The following INMT variants were observed in gnomAD, a reference collection of about 807,000 sequenced individuals.
INMT encodes the protein indolethylamine N-methyltransferase, also known as amine N-methyltransferase.
In INMT, 11 loss-of-function variants were observed where a neutral mutation model predicts 11.5. The observed-to-expected ratio is 0.95, with a 90% CI of 0.60 to 1.58. The LOEUF (loss-of-function observed/expected upper bound fraction) is 1.58, where lower values mean the gene tolerates loss of function less well. INMT is among the 40% of genes most tolerant of loss of function. The pLI, the probability that INMT is intolerant of heterozygous loss-of-function variation, is 0.00. For synonymous variants in INMT, 155 were observed against 142.9 expected (o/e 1.08, Z -0.60); for missense variants, 316 against 336.1 (o/e 0.94, Z 0.47).
chr7:30,753,980 T>A, intron 2 of INMT, 42 bp downstream of exon 2: 1 of 1,593,538 alleles, frequency 6.3e-7, no homozygotes, highest in African/African-American at 1.3e-5. Flanking sequence ...CAGTCAACCT[T>A]CTTTCTCAGA....
chr7:30,753,370 A>G (rs1786137644), intron 1 of INMT, among the ~76,000 whole-genome samples: 1 of 152,228 alleles, frequency 6.6e-6, no homozygotes, highest in South Asian at 2.1e-4. Flanking sequence ...TCCAGCCCGA[A>G]TCTTCCCCAG....
In INMT at chr7:30,752,157, G is replaced by A. The variant is rs780546755; in HGVS notation, c.7G>A (p.Gly3Ser). 86 of 1,613,844 alleles carry A rather than the reference G, an allele frequency of 5.3e-5. No individual in the cohort carries two copies. Among genetic ancestry groups the A allele is most frequent in the Admixed American group, 3.0e-4 (18 of 59,978 alleles). The stretch of plus-strand genomic sequence containing the variant: ...GGCACATTTCAGGGACACCATGAAG[G>A]GTGGCTTCACTGGGGGTGATGAGTA... MK[G>S]GFTGGDEYQK... The change falls in exon 1 of 3, where the codon GGT becomes AGT. Residue 3 changes from glycine (G) to serine (S), a missense_variant. By Grantham distance (56) the Gly-to-Ser change is moderately conservative. Coordinates refer to ENST00000013222, the MANE Select transcript of INMT (RefSeq NM_006774.5).
In INMT at chr7:30,756,301, T is replaced by A; in HGVS notation, c.*450T>A. 2 of 846,674 alleles carry A rather than the reference T, an allele frequency of 2.4e-6. No individual in the cohort carries two copies. Among genetic ancestry groups the A allele is most frequent in the Non-Finnish European group, 2.8e-6 (2 of 703,196 alleles). The allele number at this position is 846,674 out of a possible 1,614,324, so 52.4% of individuals were successfully genotyped here. ...CCCAGGCTAGAGTGCAATGGCACGA[T>A]CTCGGCTCACTGCAAGCTCTGCGTC... On this transcript the variant is annotated 3_prime_UTR_variant, in exon 3 of 3. Transcript: ENST00000013222.
intron 1 of INMT, among the ~76,000 whole-genome samples, chr7:30,753,161 C>T (rs938633642): frequency 6.6e-6 from 1 of 152,210 alleles, no homozygotes; most frequent in South Asian, 2.1e-4. Flanking sequence ...TTCCAGGTGA[C>T]CCTGGATTCA....
intron 1 of INMT, 48 bp downstream of exon 1, chr7:30,752,352 G>A (rs1474936482): frequency 1.3e-6 from 2 of 1,491,770 alleles, no homozygotes; most frequent in African/African-American, 2.8e-5. Context: ...CAAGGAACCT[G>A]GATGGGGATG....
rs1786162915 is a variant in INMT at position 30,754,051 on chromosome 7, G to C, written c.362+113G>C. 1 of 1,036,562 alleles carries C rather than the reference G, an allele frequency of 9.6e-7. No individual in the cohort carries two copies. The highest frequency in any genetic ancestry group is 1.4e-6 in the Non-Finnish European group (1 of 703,530). The allele number at this position is 1,036,562 out of a possible 1,614,324, so 64.2% of individuals were successfully genotyped here. A position where few individuals can be genotyped will look rare whatever the true frequency, so the allele number is the denominator to read the frequency against. On this transcript the variant is annotated intron_variant, in intron 2 of 2. Coordinates refer to ENST00000013222, the MANE Select transcript of INMT (RefSeq NM_006774.5). The surrounding 1 kb of genome is among the most constrained non-coding windows in gnomAD (Gnocchi z 4.9). ...CAGGACAGTAGGACCTTCAGGTATAGGACCAGATGTCCTGTGGTGGGGATA... is the reference window on the plus strand; with the variant it reads ...CAGGACAGTAGGACCTTCAGGTATACGACCAGATGTCCTGTGGTGGGGATA...
intron 1 of INMT, 76 bp downstream of exon 1, chr7:30,752,380 G>C (rs912767045): frequency 3.1e-6 from 4 of 1,302,020 alleles, no homozygotes; most frequent in East Asian, 2.3e-5. Flanking sequence ...GGTGTCCTGG[G>C]GGCAGTCTGG....
chr7:30,752,841 G>T (rs1301908895), intron 1 of INMT, among the ~76,000 whole-genome samples: 1 of 152,136 alleles, frequency 6.6e-6, no homozygotes, highest in Non-Finnish European at 1.5e-5. Flanking sequence ...CACGATGGAT[G>T]GTGACTTCTG....
rs1394353214 is a variant in INMT, at chr7:30,756,891, A to G, written c.*1040A>G. The stretch of plus-strand genomic sequence containing the variant: ...TGAGCTGATTGGAGTCAGCTGGAAC[A>G]TACCACTGCCTCTAGACTAAGGTCA... On this transcript the variant is annotated 3_prime_UTR_variant, in exon 3 of 3. Transcript: ENST00000013222. 6.6e-6 allele frequency: 1 copy of G among 152,242 alleles called. No individual in the cohort carries two copies. Among genetic ancestry groups the G allele is most frequent in the East Asian group, 1.9e-4 (1 of 5,196 alleles). The allele number at this position is 152,242 out of a possible 1,614,324, so 9.4% of individuals were successfully genotyped here.
Position 30,756,038 on chromosome 7 carries a change from G to A in INMT, c.*187G>A. The stretch of plus-strand genomic sequence containing the variant: ...AAGTTTCCAACATTCCTCATTCTAG[G>A]ATCCTAGGAGTGGAATTTTCCATTT... On this transcript the variant is annotated 3_prime_UTR_variant, in exon 3 of 3. Transcript: ENST00000013222. 1 of 1,407,758 alleles carries A rather than the reference G, an allele frequency of 7.1e-7. No homozygotes were observed. Among genetic ancestry groups the A allele is most frequent in the Admixed American group, 2.9e-5 (1 of 34,226 alleles). 87.2% of individuals were successfully genotyped at this position (1,407,758 alleles called of 1,614,324 possible). A position where few individuals can be genotyped will look rare whatever the true frequency, so the allele number is the denominator to read the frequency against.
At position 30,756,984 on chromosome 7, in the gene INMT, T is replaced by G. The variant is rs1786280480; in HGVS notation, c.*1133T>G. ...AGATAAATGAAATAAATCTATAAGG[T>G]TAAGTATGTCCCCAGAACTGCATGG... On this transcript the variant is annotated 3_prime_UTR_variant, in exon 3 of 3. Coordinates refer to ENST00000013222, the MANE Select transcript of INMT (RefSeq NM_006774.5). The G allele has an allele frequency of 1.3e-5, 2 of 152,360 alleles. No individual in the cohort carries two copies. The highest frequency in any genetic ancestry group is 4.8e-5 in the African/African-American group (2 of 41,566). 9.4% of individuals were successfully genotyped at this position (152,360 alleles called of 1,614,324 possible).
In INMT at chr7:30,754,814, TAA is replaced by T. The variant is rs1358000328; in HGVS notation, c.363-606_363-605del. On this transcript the variant is annotated intron_variant, in intron 2 of 2. Transcript: ENST00000013222. This position sits in a 1 kb window ranked among gnomAD's most constrained non-coding sequence, Gnocchi z 4.9. ...ACCCAACCTGAGTACTCGAATATAA[TAA>T]AGACTTACCTGTGCTTCTCTGTGAC... 6.6e-6 allele frequency among the ~76,000 whole-genome samples: 1 copy of T among 152,258 alleles called. No homozygotes were observed. Among genetic ancestry groups the T allele is most frequent in the Non-Finnish European group, 1.5e-5 (1 of 68,050 alleles).
At chr7:30,753,373 T>C (rs902184439) in intron 1 of INMT, among the ~76,000 whole-genome samples, 3 of 152,242 alleles carry the variant, frequency 2.0e-5, no homozygotes, top group African/African-American at 7.2e-5. Context: ...AGCCCGAATC[T>C]TCCCCAGAGC....
In INMT at chr7:30,755,296, C is replaced by T. The variant is rs376498046; in HGVS notation, c.363-126C>T. On this transcript the variant is annotated intron_variant, in intron 2 of 2. Coordinates refer to ENST00000013222, the MANE Select transcript of INMT (RefSeq NM_006774.5). ...TGAAGAAGAGCCTGCTGTCAGGTCA[C>T]ACAGGGACTCAGGGACAGCAATCCT... 7.5e-5 allele frequency: 62 copies of T among 824,654 alleles called. 1 individual carries two copies. In the South Asian group the frequency reaches 1.1e-3, roughly 14 times the overall value. The allele number at this position is 824,654 out of a possible 1,614,324, so 51.1% of individuals were successfully genotyped here.
chr7:30,752,440 G>A, intron 1 of INMT, 136 bp downstream of exon 1: 3 of 648,728 alleles, frequency 4.6e-6, no homozygotes, highest in South Asian at 3.8e-5. Flanking sequence ...CTGGGGCCCT[G>A]CCCCCTCTCT....
intron 1 of INMT, among the ~76,000 whole-genome samples, chr7:30,753,276 G>T (rs1786134256): frequency 6.6e-6 from 1 of 152,138 alleles, no homozygotes; most frequent in Admixed American, 6.5e-5. Context: ...TCCAGGAAGG[G>T]CTGGACTTCC....
In INMT at chr7:30,754,417, A is replaced by T. The variant is rs1786172284; in HGVS notation, c.362+479A>T. On this transcript the variant is annotated intron_variant, in intron 2 of 2. Coordinates refer to ENST00000013222, the MANE Select transcript of INMT (RefSeq NM_006774.5). The surrounding 1 kb of genome is among the most constrained non-coding windows in gnomAD (Gnocchi z 4.9). ...TAGCCGTTCACCTATCCATCCATCT[A>T]TCCATCCGTCCATTCATCCATCCAT... Among the ~76,000 whole-genome samples the T allele has an allele frequency of 2.0e-5, 3 of 149,360 alleles. No homozygotes were observed. In the South Asian group the frequency reaches 6.4e-4, roughly 32 times the overall value.
chr7:30,756,138 G>A lies in INMT; in HGVS notation c.*287G>A, dbSNP rs996388259. 5.9e-6 allele frequency: 7 copies of A among 1,195,408 alleles called. No individual in the cohort carries two copies. In the African/African-American group the frequency reaches 9.2e-5, roughly 16 times the overall value. The allele number at this position is 1,195,408 out of a possible 1,614,324, so 74.1% of individuals were successfully genotyped here. ...GTGACTGTGGAGCACCCAGGGACGT[G>A]GTTTTAGAGTCTACCTAATATGTTA... On this transcript the variant is annotated 3_prime_UTR_variant, in exon 3 of 3. Coordinates refer to ENST00000013222, the MANE Select transcript of INMT (RefSeq NM_006774.5).
At position 30,756,191 on chromosome 7, in the gene INMT, A is replaced by G. The variant is rs1008310848; in HGVS notation, c.*340A>G. 9.4e-7 allele frequency: 1 copy of G among 1,064,740 alleles called. No individual in the cohort carries two copies. The highest frequency in any genetic ancestry group is 1.6e-5 in the African/African-American group (1 of 60,854). 66.0% of individuals were successfully genotyped at this position (1,064,740 alleles called of 1,614,324 possible). A position where few individuals can be genotyped will look rare whatever the true frequency, so the allele number is the denominator to read the frequency against. Reference sequence around the variant, plus strand: ...GACAAGGAAACCTCTGAGTCTACCTAATATGTTAAGGACAAGGAAACCTCT... The same window carrying G: ...GACAAGGAAACCTCTGAGTCTACCTGATATGTTAAGGACAAGGAAACCTCT... On this transcript the variant is annotated 3_prime_UTR_variant, in exon 3 of 3. Coordinates refer to ENST00000013222, the MANE Select transcript of INMT (RefSeq NM_006774.5).
Sources: allele counts gnomAD v4.1 joint callset (sites outside exome capture counted in the v4.1 genomes callset), GRCh38; gene constraint gnomAD v4.1.1; non-coding constraint Gnocchi (gnomAD v3.1); transcripts MANE v1.5; gene names NCBI Gene and HGNC (gene_info 2026-07-23, HGNC 2026-07-21).